Variants in C1QTNF3 observed in about 807,000 individuals in gnomAD.
C1QTNF3 encodes C1q and TNF related 3, also known as complement C1q tumor necrosis factor-related protein 3.
Under a neutral mutation model 32.6 loss-of-function variants are expected in C1QTNF3, and 26 were observed. The ratio of observed to expected loss-of-function variants is 0.80; its 90% CI spans 0.58 to 1.11. The LOEUF is 1.11. C1QTNF3 is among the 50% of genes least tolerant of loss of function. C1QTNF3 has a pLI of 0.00. For synonymous variants in C1QTNF3, 155 were observed against 146.0 expected, an observed-to-expected ratio of 1.06 and a Z score of -0.44; for missense variants, 362 against 398.2, an observed-to-expected ratio of 0.91 and a Z score of 0.77.
the C1QTNF3 span, chr5:34,175,957 C>G: frequency 2.4e-6 from 2 of 821,878 alleles, no homozygotes; most frequent in Non-Finnish European, 4.4e-6. Flanking sequence ...AGAGGTGGAT[C>G]CTGGGAATCA....
the C1QTNF3 span, among the ~76,000 whole-genome samples, chr5:34,138,307 T>A: frequency 6.6e-6 from 1 of 152,190 alleles, no homozygotes; most frequent in Non-Finnish European, 1.5e-5. Context: ...ACGTGAACAC[T>A]ATTTTTTTTC....
the C1QTNF3 span, among the ~76,000 whole-genome samples, chr5:34,183,355 G>T: frequency 8.7e-6 from 1 of 115,554 alleles, no homozygotes; most frequent in South Asian, 2.7e-4. Flanking sequence ...TTTTGAGATG[G>T]AGTCTCACTC....
the C1QTNF3 span, among the ~76,000 whole-genome samples, chr5:34,140,627 C>G: frequency 1.3e-5 from 2 of 152,104 alleles, no homozygotes; most frequent in Non-Finnish European, 2.9e-5. Context: ...TTGGTGTTCT[C>G]AGGACATCCC....
the C1QTNF3 span, among the ~76,000 whole-genome samples, chr5:34,114,764 G>A: frequency 1.3e-5 from 2 of 152,028 alleles, no homozygotes; most frequent in South Asian, 2.1e-4. Context: ...TGTGAGCAAC[G>A]TAAAATATTA....
At chr5:34,033,539 C>G in intron 2 of C1QTNF3, 81 bp from the exon 3 acceptor site, 1 of 1,565,524 alleles carries the variant, frequency 6.4e-7, no homozygotes, top group South Asian at 1.1e-5. Context: ...TATCCAAACT[C>G]AATTATGAAA....
intron 3 of C1QTNF3, chr5:34,032,915 T>C: frequency 1.2e-5 from 2 of 170,664 alleles, no homozygotes; most frequent in East Asian, 3.6e-4. Flanking sequence ...ATATTATAAC[T>C]AGACATTTCA....
the C1QTNF3 span, among the ~76,000 whole-genome samples, chr5:34,160,092 A>G: frequency 2.0e-5 from 3 of 152,248 alleles, no homozygotes; most frequent in Non-Finnish European, 4.4e-5. Flanking sequence ...AGCCCCTACC[A>G]TCAGACTTGT....
chr5:34,091,519 T>C, the C1QTNF3 span, among the ~76,000 whole-genome samples: 4 of 152,278 alleles, frequency 2.6e-5, no homozygotes, highest in African/African-American at 9.6e-5. Context: ...AATGTTGTCT[T>C]TATTTTTAAT....
chr5:34,044,841 T>C (rs1754960833), upstream of C1QTNF3, among the ~76,000 whole-genome samples: 2 of 152,178 alleles, frequency 1.3e-5, no homozygotes, highest in African/African-American at 4.8e-5. Flanking sequence ...CACTGGAGGA[T>C]TCCTTGAGTT....
chr5:34,149,040 C>T, the C1QTNF3 span, among the ~76,000 whole-genome samples: 1 of 32,376 alleles, frequency 3.1e-5, no homozygotes, highest in Admixed American at 3.8e-4. Flanking sequence ...AACCAAGGCT[C>T]GAGAACTACG....
the C1QTNF3 span, among the ~76,000 whole-genome samples, chr5:34,204,005 A>C: frequency 2.0e-5 from 3 of 152,198 alleles, no homozygotes; most frequent in Non-Finnish European, 4.4e-5. Flanking sequence ...CCAACACTAG[A>C]CCACCAAGAT....
At chr5:34,214,413 T>C in the C1QTNF3 span, among the ~76,000 whole-genome samples, 4 of 151,578 alleles carry the variant, frequency 2.6e-5, no homozygotes, top group Non-Finnish European at 5.9e-5. Flanking sequence ...TAAACTGAAA[T>C]TATATCACAG....
chr5:34,035,779 G>A lies in C1QTNF3; in HGVS notation c.304-21C>T, dbSNP rs1305037985. Reference sequence around the variant, plus strand: ...GGAGACTAAAAAGACAGAAAGAGAAGCTTCAGAAAAAAAGGTACTTGTGAG... The same window carrying A: ...GGAGACTAAAAAGACAGAAAGAGAAACTTCAGAAAAAAAGGTACTTGTGAG... On this transcript the variant is annotated intron_variant, in intron 1 of 5. Transcript: ENST00000382065. 4 of 1,581,398 alleles carry A rather than the reference G, an allele frequency of 2.5e-6. No homozygotes were observed. The South Asian group carries it at 3.4e-5, about 13-fold the overall frequency.
At chr5:34,122,151 C>T in the C1QTNF3 span, among the ~76,000 whole-genome samples, 44 of 152,102 alleles carry the variant, frequency 2.9e-4, no homozygotes, top group African/African-American at 9.4e-4. Context: ...GAAGTGGGGA[C>T]GTTTTGGGAT....
At chr5:34,035,789 A>G (rs1003825335) in intron 1 of C1QTNF3, 31 bp from the exon 2 acceptor site, 1 of 1,549,590 alleles carries the variant, frequency 6.5e-7, no homozygotes, top group Non-Finnish European at 8.9e-7. Flanking sequence ...GCTTCAGAAA[A>G]AAAGGTACTT....
At chr5:34,177,372 G>C in the C1QTNF3 span, among the ~76,000 whole-genome samples, 1 of 151,874 alleles carries the variant, frequency 6.6e-6, no homozygotes, top group Non-Finnish European at 1.5e-5. Flanking sequence ...GAGTACAGTG[G>C]TGCAATTATG....
At chr5:34,183,578 G>A in the C1QTNF3 span, among the ~76,000 whole-genome samples, 2 of 150,280 alleles carry the variant, frequency 1.3e-5, no homozygotes, top group East Asian at 1.9e-4. Flanking sequence ...TGACCCACCC[G>A]CCTCAGTCTC....
chr5:34,112,599 T>C, the C1QTNF3 span, among the ~76,000 whole-genome samples: 1 of 151,764 alleles, frequency 6.6e-6, no homozygotes, highest in African/African-American at 2.4e-5. Flanking sequence ...AATCCAAGAG[T>C]TCAAGGCTAC....
chr5:34,153,859 A>ATT, the C1QTNF3 span, among the ~76,000 whole-genome samples: 1 of 149,368 alleles, frequency 6.7e-6, no homozygotes, highest in Non-Finnish European at 1.5e-5. Context: ...AGTATAAAAA[A>ATT]AAAAAAAAAA....
Sources: gnomAD v4.1 joint callset for allele counts (sites outside exome capture counted in the v4.1 genomes callset) on GRCh38, gnomAD v4.1.1 for gene constraint, MANE v1.5 for transcripts, NCBI Gene and HGNC (gene_info 2026-07-23, HGNC 2026-07-21) for gene names.